The following DTNB variants were observed in gnomAD, a reference collection of about 807,000 sequenced individuals.
DTNB encodes dystrobrevin beta.
Under a neutral mutation model 90.7 loss-of-function variants are expected in DTNB, and 63 were observed. That is an observed-to-expected ratio of 0.69 (90% CI 0.57 to 0.86). The LOEUF is 0.86. Ranked by LOEUF, DTNB falls within the 40% of genes least tolerant of loss-of-function variation. The pLI is 0.00. For synonymous variants in DTNB, 277 were observed against 286.7 expected (o/e 0.97, Z 0.34); for missense variants, 744 against 807.1 (o/e 0.92, Z 0.95).
chr2:25,600,753 T>C (rs965888688), intron 5 of DTNB, among the ~76,000 whole-genome samples: 1 of 152,144 alleles, frequency 6.6e-6, no homozygotes, highest in African/African-American at 2.4e-5. Flanking sequence ...CCAACGAATC[T>C]ATACCTAACT....
chr2:25,658,065 T>C (rs2082411593), intron 1 of DTNB, among the ~76,000 whole-genome samples: 1 of 151,990 alleles, frequency 6.6e-6, no homozygotes, highest in Non-Finnish European at 1.5e-5. Flanking sequence ...GAGACCAGCC[T>C]GGCTAACATG....
At chr2:25,514,494 C>A (rs563831913) in intron 9 of DTNB, among the ~76,000 whole-genome samples, 1 of 145,874 alleles carries the variant, frequency 6.9e-6, no homozygotes, top group East Asian at 2.0e-4. Context: ...AGCCCCCCCA[C>A]CCCCCACAAA....
At chr2:25,410,049 A>G (rs1186419819) in intron 16 of DTNB, among the ~76,000 whole-genome samples, 2 of 152,216 alleles carry the variant, frequency 1.3e-5, no homozygotes, top group Non-Finnish European at 2.9e-5. Context: ...TTAGGCTCCA[A>G]GCCTACAAAT....
chr2:25,446,214 C>T (rs930181715), intron 12 of DTNB, among the ~76,000 whole-genome samples: 2 of 152,030 alleles, frequency 1.3e-5, no homozygotes, highest in Non-Finnish European at 2.9e-5. Context: ...TTCACAAACA[C>T]TGGTAACATT....
At position 25,661,319 on chromosome 2, in the gene DTNB, T is replaced by C. The variant is rs182558190; in HGVS notation, c.-1-8658A>G. 1.3e-3 allele frequency among the ~76,000 whole-genome samples: 205 copies of C among 152,334 alleles called. 4 individuals carry two copies. Among genetic ancestry groups the C allele is most frequent in the Non-Finnish European group, 3.8e-4 (26 of 68,036 alleles). ...TATAACCAACAACTGGTATCCACGA[T>C]ATGCACAGAATTTGTACAAACCGGT... On this transcript the variant is annotated intron_variant, in intron 1 of 20. Transcript: ENST00000406818.
At chr2:25,602,046 C>T (rs1314688477) in intron 5 of DTNB, among the ~76,000 whole-genome samples, 5 of 151,310 alleles carry the variant, frequency 3.3e-5, no homozygotes, top group South Asian at 2.1e-4. Flanking sequence ...CACTTGAACC[C>T]GGGAGGTGGA....
chr2:25,652,499 A>G lies in DTNB; in HGVS notation c.67+95T>C, dbSNP rs920233381. ...TTCCCTCTGCAAAGCTTATAACATA[A>G]AAGTTGTAACTGATTAAAGCTATGA... On this transcript the variant is annotated intron_variant, in intron 2 of 20. Transcript: ENST00000406818. The G allele has an allele frequency of 5.2e-5, 68 of 1,310,120 alleles. No individual in the cohort carries two copies. In the Middle Eastern group the frequency reaches 1.9e-3, roughly 37 times the overall value. 81.2% of individuals were successfully genotyped at this position (1,310,120 alleles called of 1,614,324 possible).
At chr2:25,575,840 G>A (rs1480191743) in intron 8 of DTNB, among the ~76,000 whole-genome samples, 12 of 152,172 alleles carry the variant, frequency 7.9e-5, no homozygotes, top group African/African-American at 2.9e-4. Context: ...AACAAAGGCT[G>A]TAGCAACTTT....
At chr2:25,380,221 C>A (rs2037226889) in intron 19 of DTNB, among the ~76,000 whole-genome samples, 1 of 152,180 alleles carries the variant, frequency 6.6e-6, no homozygotes, top group Non-Finnish European at 1.5e-5. Flanking sequence ...AGTATGGTTT[C>A]AACCCCAAAG....
At chr2:25,388,467 G>C in intron 16 of DTNB, 106 bp from the exon 17 acceptor site, 1 of 1,392,300 alleles carries the variant, frequency 7.2e-7, no homozygotes, top group Non-Finnish European at 9.5e-7. Context: ...GTGGGCCTCA[G>C]TTCAGTGGTA....
At chr2:25,489,077 A>G (rs1211104750) in intron 9 of DTNB, among the ~76,000 whole-genome samples, 1 of 152,232 alleles carries the variant, frequency 6.6e-6, no homozygotes, top group East Asian at 1.9e-4. Flanking sequence ...ATCTCCTATT[A>G]CAAAGCACAA....
intron 8 of DTNB, among the ~76,000 whole-genome samples, chr2:25,536,538 C>T (rs1257420682): frequency 1.3e-5 from 2 of 152,162 alleles, no homozygotes; most frequent in South Asian, 2.1e-4. Context: ...CCCGTCTCCA[C>T]CAAAAACACA....
chr2:25,664,372 G>C (rs1216874401), intron 1 of DTNB, among the ~76,000 whole-genome samples: 1 of 152,172 alleles, frequency 6.6e-6, no homozygotes, highest in African/African-American at 2.4e-5. Flanking sequence ...TGAGCCATCT[G>C]TCTATTTAGC....
intron 2 of DTNB, among the ~76,000 whole-genome samples, chr2:25,651,608 T>A (rs1341686935): frequency 6.6e-6 from 1 of 152,180 alleles, no homozygotes; most frequent in African/African-American, 2.4e-5. Context: ...AACAAATAGT[T>A]ATCCAGCCTA....
chr2:25,529,076 A>G, intron 9 of DTNB, among the ~76,000 whole-genome samples: 1 of 152,218 alleles, frequency 6.6e-6, no homozygotes, highest in Non-Finnish European at 1.5e-5. Context: ...AGAGCTAATA[A>G]TAGACAAGAC....
intron 7 of DTNB, among the ~76,000 whole-genome samples, chr2:25,577,914 C>T (rs1249432599): frequency 2.6e-5 from 4 of 152,100 alleles, no homozygotes; most frequent in African/African-American, 9.7e-5. Flanking sequence ...GCTGGAGAAT[C>T]GCTTGAACCT....
intron 9 of DTNB, among the ~76,000 whole-genome samples, chr2:25,510,756 C>T (rs1369421401): frequency 6.6e-6 from 1 of 152,196 alleles, no homozygotes; most frequent in Non-Finnish European, 1.5e-5. Context: ...GATCTGCCTG[C>T]CTTGGCCTCC....
intron 8 of DTNB, among the ~76,000 whole-genome samples, chr2:25,531,953 C>A (rs1171787287): frequency 6.6e-6 from 1 of 152,094 alleles, no homozygotes; most frequent in Admixed American, 6.6e-5. Context: ...AGAGTCGGAA[C>A]TTTTTGATGG....
chr2:25,500,455 G>A (rs2150558685), intron 9 of DTNB, among the ~76,000 whole-genome samples: 1 of 152,244 alleles, frequency 6.6e-6, no homozygotes, highest in South Asian at 2.1e-4. Context: ...GGCCAACTAC[G>A]CTGTTCAATC....
Sources: gnomAD v4.1 joint callset for allele counts (sites outside exome capture counted in the v4.1 genomes callset) on GRCh38, gnomAD v4.1.1 for gene constraint, MANE v1.5 for transcripts, NCBI Gene and HGNC (gene_info 2026-07-23, HGNC 2026-07-21) for gene names.